Variants in SLC22A25 observed in about 807,000 individuals in gnomAD.
The protein encoded by SLC22A25 is MGI:2442751, MGI:2385316, MGI:3042283, MGI:3645714, MGI:3605624, MGI:2442750.
In SLC22A25, 44 loss-of-function variants were observed where a neutral mutation model predicts 45.9. The ratio of observed to expected loss-of-function variants is 0.96; its 90% CI spans 0.75 to 1.23. The LOEUF is 1.23. SLC22A25 is among the 50% of genes most tolerant of loss of function. The pLI is 0.00. For synonymous variants in SLC22A25, 283 were observed against 238.6 expected (o/e 1.19, Z -1.72); for missense variants, 800 against 666.4 (o/e 1.20, Z -2.21).
intron 8 of SLC22A25, among the ~76,000 whole-genome samples, chr11:63,181,594 G>T (rs2088325871): frequency 6.6e-6 from 1 of 151,990 alleles, no homozygotes; most frequent in African/African-American, 2.4e-5. Flanking sequence ...GGATAATCTT[G>T]GTCCCTCTCC....
At chr11:63,200,489 G>T (rs576411092) in intron 7 of SLC22A25, among the ~76,000 whole-genome samples, 4 of 151,518 alleles carry the variant, frequency 2.6e-5, no homozygotes, top group Admixed American at 6.6e-5. Context: ...AATAAACTAG[G>T]TATTGACAAA....
chr11:63,178,885 C>T (rs2088214753), intron 9 of SLC22A25, among the ~76,000 whole-genome samples: 1 of 151,838 alleles, frequency 6.6e-6, no homozygotes, highest in African/African-American at 2.4e-5. Flanking sequence ...GAAAACTTTG[C>T]TAATAGCAAT....
At chr11:63,234,412 G>A (rs1353447139) in intron 3 of SLC22A25, among the ~76,000 whole-genome samples, 1 of 152,024 alleles carries the variant, frequency 6.6e-6, no homozygotes, top group Non-Finnish European at 1.5e-5. Flanking sequence ...TGTCCCTTTT[G>A]ATCTTTGTTG....
intron 7 of SLC22A25, among the ~76,000 whole-genome samples, chr11:63,203,703 A>G (rs1193650): frequency 0.99 from 150,254 of 152,156 alleles, 74,227 homozygotes; most frequent in Middle Eastern, 1. Flanking sequence ...GAAAGTGACG[A>G]GGAGAATGAA....
rs969759056 is a variant in SLC22A25 at position 63,230,104 on chromosome 11, A to G, written c.-444-8T>C. Among the ~76,000 whole-genome samples the G allele has an allele frequency of 1.6e-4, 24 of 152,216 alleles. No individual in the cohort carries two copies. Among genetic ancestry groups the G allele is most frequent in the African/African-American group, 5.8e-4 (24 of 41,452 alleles). On this transcript the variant is annotated splice_polypyrimidine_tract_variant and splice_region_variant and intron_variant, in intron 3 of 11. Transcript: ENST00000306494. ...AAGTGCTTTTTCTTTTCTCTGTGAA[A>G]AGAACAGAAAGCAAATGTCTTTCTT...
chr11:63,236,434 C>A (rs2090165212), intron 3 of SLC22A25, among the ~76,000 whole-genome samples: 1 of 152,316 alleles, frequency 6.6e-6, no homozygotes, highest in South Asian at 2.1e-4. Context: ...GCATAGGAAC[C>A]TCCAAGCCAT....
At chr11:63,191,310 A>G (rs529923105) in intron 7 of SLC22A25, among the ~76,000 whole-genome samples, 64 of 152,352 alleles carry the variant, frequency 4.2e-4, no homozygotes, top group Admixed American at 1.3e-3. Context: ...TGTGCTAGCA[A>G]TGAGTGAGGC....
chr11:63,180,862 G>A, intron 8 of SLC22A25, 87 bp from the exon 9 acceptor site: 1 of 843,560 alleles, frequency 1.2e-6, no homozygotes, highest in South Asian at 1.6e-5. Context: ...CAGATGACAA[G>A]ATAGATGACA....
At chr11:63,240,607 A>AT (rs200005389) in intron 1 of SLC22A25, among the ~76,000 whole-genome samples, 1 of 152,156 alleles carries the variant, frequency 6.6e-6, no homozygotes, top group Non-Finnish European at 1.5e-5. Context: ...CTGTACAAGA[A>AT]TTTTTTTATA....
intron 7 of SLC22A25, among the ~76,000 whole-genome samples, chr11:63,189,083 T>C (rs942951106): frequency 6.6e-6 from 1 of 152,166 alleles, no homozygotes; most frequent in African/African-American, 2.4e-5. Flanking sequence ...GAGCTGAGTT[T>C]AGTTCCTGTA....
intron 7 of SLC22A25, among the ~76,000 whole-genome samples, chr11:63,190,890 C>T (rs2088783279): frequency 6.6e-6 from 1 of 152,148 alleles, no homozygotes. Flanking sequence ...ATGTTGCTGC[C>T]TGACTGTTCC....
intron 7 of SLC22A25, among the ~76,000 whole-genome samples, chr11:63,196,880 C>T (rs1385031524): frequency 1.3e-5 from 2 of 152,140 alleles, no homozygotes; most frequent in Non-Finnish European, 1.5e-5. Context: ...CCAAAATCTC[C>T]TTAAGCTGAT....
chr11:63,217,837 T>A, intron 5 of SLC22A25, 102 bp from the exon 6 acceptor site: 1 of 1,367,188 alleles, frequency 7.3e-7, no homozygotes, highest in Non-Finnish European at 9.9e-7. Context: ...GTTTAACAAG[T>A]GAAACTTTAC....
Position 63,229,557 on chromosome 11 carries a change from G to T in SLC22A25, c.96C>A (p.Tyr32Ter). 1 of 1,614,092 alleles carries T rather than the reference G, an allele frequency of 6.2e-7. No homozygotes were observed. Among genetic ancestry groups the T allele is most frequent in the Non-Finnish European group, 8.5e-7 (1 of 1,179,988 alleles). Residue 32 changes from tyrosine (Y) to a stop codon, truncating the protein, a stop_gained, in exon 4 of 12, where the codon TAC (tyrosine) becomes TAA (stop). Transcript: ENST00000306494. LOFTEE classifies it high-confidence loss of function. ...VFLIMFNVIV[Y>*]HQTQLENFAA... ...CGAAGTTCTCCAGCTGAGTTTGATG[G>T]TATACTATGACGTTGAACATTATAA...
intron 5 of SLC22A25, among the ~76,000 whole-genome samples, chr11:63,221,053 C>A (rs568557685): frequency 1.3e-5 from 2 of 152,240 alleles, no homozygotes; most frequent in Non-Finnish European, 2.9e-5. Flanking sequence ...GCTTCCAAAT[C>A]TTGGCTATTG....
At position 63,158,818 on chromosome 11, in the gene SLC22A25, G is replaced by C. The variant is rs1366179693; in HGVS notation, c.*5006C>G. Among the ~76,000 whole-genome samples the C allele has an allele frequency of 6.6e-6, 1 of 152,100 alleles. No individual in the cohort carries two copies. Among genetic ancestry groups the C allele is most frequent in the East Asian group, 1.9e-4 (1 of 5,192 alleles). On this transcript the variant is annotated 3_prime_UTR_variant, in exon 12 of 12. Coordinates refer to ENST00000306494, the MANE Select transcript of SLC22A25 (RefSeq NM_199352.6). Reference sequence around the variant, plus strand: ...AGTTATTATTGACTATAGTCATCCTGTTGTGCTATCAAATAGTAGATCTTA... The same window carrying C: ...AGTTATTATTGACTATAGTCATCCTCTTGTGCTATCAAATAGTAGATCTTA...
intron 7 of SLC22A25, among the ~76,000 whole-genome samples, chr11:63,187,209 G>A (rs1049026682): frequency 6.6e-6 from 1 of 151,828 alleles, no homozygotes; most frequent in Non-Finnish European, 1.5e-5. Context: ...TTTTTATCCT[G>A]TTTTATTTCA....
At chr11:63,226,302 T>C (rs900662714) in intron 5 of SLC22A25, among the ~76,000 whole-genome samples, 1 of 152,154 alleles carries the variant, frequency 6.6e-6, no homozygotes, top group African/African-American at 2.4e-5. Context: ...ACTTTTCAGG[T>C]ATTCAAAGGG....
rs2089744865 is a variant in SLC22A25, at chr11:63,217,489, GA to G, written c.662-8del. On this transcript the variant is annotated splice_region_variant and splice_polypyrimidine_tract_variant and intron_variant, in intron 6 of 11. Transcript: ENST00000306494. ...TGAGTTATCCACTCTACAACTGAAA[GA>G]AAACACAAACAAGATTTAGCTTTAA... 1 of 1,612,990 alleles carries G rather than the reference GA, an allele frequency of 6.2e-7. No individual in the cohort carries two copies. Among genetic ancestry groups the G allele is most frequent in the East Asian group, 2.2e-5 (1 of 44,830 alleles).
Sources: gnomAD v4.1 joint callset for allele counts (sites outside exome capture counted in the v4.1 genomes callset) on GRCh38, gnomAD v4.1.1 for gene constraint, MANE v1.5 for transcripts, NCBI Gene and HGNC (gene_info 2026-07-23, HGNC 2026-07-21) for gene names.